Variants in CLMN observed in about 807,000 individuals in gnomAD.
CLMN encodes the protein calmin, also known as calmin (calponin-like, transmembrane).
CLMN carries 57 observed loss-of-function variants against 92.7 expected under a neutral mutation model. That is an observed-to-expected ratio of 0.61 (90% CI 0.50 to 0.77). The LOEUF (loss-of-function observed/expected upper bound fraction) is 0.77. Ranked by LOEUF, CLMN falls within the 30% of genes least tolerant of loss-of-function variation. The probability of loss-of-function intolerance (pLI) is 0.00; values close to 1 mark genes in which losing one functional copy is unlikely to be tolerated. For synonymous variants in CLMN, 466 were observed against 470.6 expected, an observed-to-expected ratio of 0.99 and a Z score of 0.13; for missense variants, 1,158 against 1,237.5, an observed-to-expected ratio of 0.94 and a Z score of 0.96.
intron 1 of CLMN, among the ~76,000 whole-genome samples, chr14:95,244,834 C>T (rs1384512358): frequency 1.3e-5 from 2 of 151,778 alleles, no homozygotes; most frequent in Non-Finnish European, 2.9e-5. Context: ...CTAACAGATC[C>T]CCTTCCAATG....
At chr14:95,266,968 T>C (rs915084341) in intron 1 of CLMN, among the ~76,000 whole-genome samples, 4 of 152,180 alleles carry the variant, frequency 2.6e-5, no homozygotes, top group African/African-American at 7.2e-5. Flanking sequence ...GCTGGGAAAA[T>C]TGCATAACCA....
chr14:95,213,356 G>A lies in CLMN; in HGVS notation c.471C>T (p.Ser157=). The change falls in exon 6 of 13, where the codon TCC becomes TCT. Residue 157 remains serine, a synonymous_variant. Transcript: ENST00000298912. ...CTGAGTCTGTGCCCCCTGAGCCAGG[G>A]GACAAGCTGGAAGATGGAGAGTTTC... ...LSRNSPSSSL[S]PGSGGTDSDS... 1.2e-6 allele frequency: 2 copies of A among 1,612,924 alleles called. No individual in the cohort carries two copies. The highest frequency in any genetic ancestry group is 1.7e-6 in the Non-Finnish European group (2 of 1,179,598).
At chr14:95,302,145 A>G (rs1025208434) in intron 1 of CLMN, among the ~76,000 whole-genome samples, 2 of 152,112 alleles carry the variant, frequency 1.3e-5, no homozygotes, top group Admixed American at 6.5e-5. Context: ...TAAAAATACA[A>G]AAAAATTAGT....
At chr14:95,221,210 G>C (rs1897527736) in intron 4 of CLMN, among the ~76,000 whole-genome samples, 1 of 152,144 alleles carries the variant, frequency 6.6e-6, no homozygotes, top group Non-Finnish European at 1.5e-5. Context: ...CAGGGTTCCA[G>C]GCACAGAAAA....
intron 1 of CLMN, among the ~76,000 whole-genome samples, chr14:95,304,688 G>A (rs1156453462): frequency 6.6e-6 from 1 of 151,956 alleles, no homozygotes; most frequent in African/African-American, 2.4e-5. Flanking sequence ...ACAGATTGTT[G>A]TACAATCTGT....
At chr14:95,209,114 G>A (rs1472063557) in intron 8 of CLMN, among the ~76,000 whole-genome samples, 2 of 152,152 alleles carry the variant, frequency 1.3e-5, no homozygotes, top group Non-Finnish European at 2.9e-5. Flanking sequence ...CTTTATCATA[G>A]ATACATATGT....
intron 1 of CLMN, among the ~76,000 whole-genome samples, chr14:95,302,143 C>T (rs149035787): frequency 6.6e-6 from 1 of 152,094 alleles, no homozygotes; most frequent in Admixed American, 6.5e-5. Context: ...ACTAAAAATA[C>T]AAAAAAATTA....
intron 5 of CLMN, 100 bp from the exon 6 acceptor site, chr14:95,213,509 G>T: frequency 9.3e-7 from 1 of 1,074,126 alleles, no homozygotes; most frequent in Non-Finnish European, 1.3e-6. Context: ...TGGAGGGACC[G>T]GCTCAGGCAG....
At chr14:95,314,243 C>T (rs1041425532) in intron 1 of CLMN, among the ~76,000 whole-genome samples, 1 of 152,198 alleles carries the variant, frequency 6.6e-6, no homozygotes, top group Admixed American at 6.5e-5. Flanking sequence ...AACTTGACAG[C>T]CAAGGACAAG....
intron 1 of CLMN, among the ~76,000 whole-genome samples, chr14:95,240,106 C>T (rs1056831382): frequency 6.6e-6 from 1 of 152,196 alleles, no homozygotes; most frequent in Non-Finnish European, 1.5e-5. Context: ...CTGTACCATC[C>T]AGTTTTGTGT....
chr14:95,227,146 G>A (rs1897737615), intron 2 of CLMN, among the ~76,000 whole-genome samples: 1 of 152,158 alleles, frequency 6.6e-6, no homozygotes, highest in Non-Finnish European at 1.5e-5. Context: ...GGAAACAGTG[G>A]AACTGTGGCC....
At chr14:95,215,493 C>A in intron 5 of CLMN, 148 bp downstream of exon 5, 1 of 661,312 alleles carries the variant, frequency 1.5e-6, no homozygotes, top group Non-Finnish European at 2.6e-6. Flanking sequence ...CAACCAGATT[C>A]TTCTAGTGCT....
At chr14:95,267,048 TTTAAGACC>T (rs1248649612) in intron 1 of CLMN, among the ~76,000 whole-genome samples, 1 of 152,134 alleles carries the variant, frequency 6.6e-6, no homozygotes, top group Non-Finnish European at 1.5e-5. Context: ...AACTAAAGAC[TTTAAGACC>T]TAAAACTATG....
intron 1 of CLMN, among the ~76,000 whole-genome samples, chr14:95,289,928 T>C (rs1274206756): frequency 6.6e-6 from 1 of 152,230 alleles, no homozygotes; most frequent in African/African-American, 2.4e-5. Context: ...CCTCCTTGTG[T>C]GTAATCGCCA....
At chr14:95,279,608 CCT>C (rs779416882) in intron 1 of CLMN, among the ~76,000 whole-genome samples, 4 of 152,160 alleles carry the variant, frequency 2.6e-5, no homozygotes, top group Non-Finnish European at 5.9e-5. Context: ...ACGGTGAAAC[CCT>C]GTCTCTACTA....
At position 95,190,260 on chromosome 14, in the gene CLMN, C is replaced by G. The variant is rs570635203; in HGVS notation, c.*1304G>C. 6.6e-6 allele frequency: 1 copy of G among 152,252 alleles called. No individual in the cohort carries two copies. The highest frequency in any genetic ancestry group is 1.5e-5 in the Non-Finnish European group (1 of 68,078). 9.4% of individuals were successfully genotyped at this position (152,252 alleles called of 1,614,324 possible). A position where few individuals can be genotyped will look rare whatever the true frequency, so the allele number is the denominator to read the frequency against. On this transcript the variant is annotated 3_prime_UTR_variant, in exon 13 of 13. Transcript: ENST00000298912. ...TGGTGTGCCCAGTGGAAGTTTCCTA[C>G]AAGGGGTGACAGCTCTGGACAGGGC...
chr14:95,215,815 C>CTGTGTG lies in CLMN; in HGVS notation c.325-88_325-83dup, dbSNP rs57063101. 6.7e-4 allele frequency: 381 copies of CTGTGTG among 571,682 alleles called. 1 individual carries two copies. The highest frequency in any genetic ancestry group is 1.0e-3 in the South Asian group (41 of 41,020). 35.4% of individuals were successfully genotyped at this position (571,682 alleles called of 1,614,324 possible). ...TTATTTTCTGGTTCTCTCTCTCTCTCTGTGTGTGTGTGTGTGTGTGTGTGT... is the reference window on the plus strand; with the variant it reads ...TTATTTTCTGGTTCTCTCTCTCTCTCTGTGTGTGTGTGTGTGTGTGTGTGTGTGTGT... On this transcript the variant is annotated intron_variant, in intron 4 of 12. Transcript: ENST00000298912.
At chr14:95,311,964 G>A (rs1330690596) in intron 1 of CLMN, among the ~76,000 whole-genome samples, 2 of 152,002 alleles carry the variant, frequency 1.3e-5, no homozygotes, top group Admixed American at 6.6e-5. Flanking sequence ...GCCCTCTGTC[G>A]GGAAGCCTCC....
intron 1 of CLMN, among the ~76,000 whole-genome samples, chr14:95,248,740 G>A (rs2140673681): frequency 6.6e-6 from 1 of 152,294 alleles, no homozygotes; most frequent in East Asian, 1.9e-4. Flanking sequence ...GAAGAATCCT[G>A]TCTTCAAAGT....
Sources: allele counts gnomAD v4.1 joint callset (sites outside exome capture counted in the v4.1 genomes callset), GRCh38; gene constraint gnomAD v4.1.1; transcripts MANE v1.5; gene names NCBI Gene and HGNC (gene_info 2026-07-23, HGNC 2026-07-21).